Variants in RBFOX3 observed in about 807,000 individuals in gnomAD.
RBFOX3 encodes the protein RNA binding fox-1 homolog 3.
RBFOX3 carries 17 observed loss-of-function variants against 48.7 expected under a neutral mutation model. That is an observed-to-expected ratio of 0.35 (90% CI 0.24 to 0.52). The LOEUF is 0.52. Among genes scored for constraint, RBFOX3 ranks in the 20% least tolerant of loss-of-function variants. RBFOX3 has a pLI of 0.94. For synonymous variants in RBFOX3, 212 were observed against 209.5 expected (o/e 1.01, Z -0.10); for missense variants, 382 against 497.5 (o/e 0.77, Z 2.21).
the RBFOX3 span, among the ~76,000 whole-genome samples, chr17:79,616,582 A>AACACACACACACACACACACAC: frequency 1.7e-4 from 25 of 145,738 alleles, no homozygotes; most frequent in South Asian, 1.8e-3. Context: ...TCTCTATACA[A>AACACACACACACACACACACAC]ACACACACAC....
intron 2 of RBFOX3, among the ~76,000 whole-genome samples, chr17:79,308,725 C>T (rs1296038428): frequency 6.6e-6 from 1 of 152,044 alleles, no homozygotes; most frequent in Non-Finnish European, 1.5e-5. Context: ...CTCTCTCTCT[C>T]CTCTCTCTCC....
At chr17:79,552,174 A>C (rs1396975473) in intron 1 of RBFOX3, among the ~76,000 whole-genome samples, 1 of 152,218 alleles carries the variant, frequency 6.6e-6, no homozygotes, top group Non-Finnish European at 1.5e-5. Flanking sequence ...AAGATTAAAT[A>C]CAGAGAATAT....
At chr17:79,463,590 C>T (rs2075840411) in intron 2 of RBFOX3, among the ~76,000 whole-genome samples, 3 of 149,502 alleles carry the variant, frequency 2.0e-5, no homozygotes, top group African/African-American at 7.5e-5. Flanking sequence ...GCCACCGCCA[C>T]CTCCACCACC....
At chr17:79,277,742 C>G (rs766470425) in intron 3 of RBFOX3, among the ~76,000 whole-genome samples, 1 of 152,170 alleles carries the variant, frequency 6.6e-6, no homozygotes, top group Non-Finnish European at 1.5e-5. Flanking sequence ...TGTGGGGGCT[C>G]ATGGTGGGAA....
chr17:79,250,938 A>G (rs540641568), intron 3 of RBFOX3, among the ~76,000 whole-genome samples: 1 of 151,872 alleles, frequency 6.6e-6, no homozygotes, highest in East Asian at 1.9e-4. Flanking sequence ...CCTCCTGAGT[A>G]GCTGGGATTA....
At chr17:79,378,669 C>T (rs1055023206) in intron 2 of RBFOX3, among the ~76,000 whole-genome samples, 15 of 152,188 alleles carry the variant, frequency 9.9e-5, no homozygotes, top group Non-Finnish European at 1.9e-4. Context: ...TCTGCACTCT[C>T]CTGTCCCCCA....
At chr17:79,612,538 A>T (rs1024920778), upstream of RBFOX3, among the ~76,000 whole-genome samples, 4 of 152,190 alleles carry the variant, frequency 2.6e-5, no homozygotes, top group African/African-American at 9.6e-5. Flanking sequence ...TATGAGCGTC[A>T]TGCTTTTAAT....
intron 2 of RBFOX3, among the ~76,000 whole-genome samples, chr17:79,407,824 G>A (rs796785636): frequency 1.1e-4 from 17 of 152,304 alleles, no homozygotes; most frequent in African/African-American, 3.8e-4. Flanking sequence ...AAAAACCCCT[G>A]TTCTCAGAGT....
chr17:79,414,503 C>G (rs955088274), intron 2 of RBFOX3, among the ~76,000 whole-genome samples: 1 of 152,222 alleles, frequency 6.6e-6, no homozygotes, highest in South Asian at 2.1e-4. Context: ...GTCCAGGCCC[C>G]AGGGCGAAAG....
the RBFOX3 span, among the ~76,000 whole-genome samples, chr17:79,638,733 TGAAAGCTGGTTGTTATAAAGA>T: frequency 6.6e-6 from 1 of 152,150 alleles, no homozygotes; most frequent in Non-Finnish European, 1.5e-5. Flanking sequence ...TTAGTTCCTG[TGAAAGCTGGTTGTTATAAAGA>T]GCCTGGCACC....
At position 79,407,849 on chromosome 17, in the gene RBFOX3, C is replaced by A. The variant is rs931674510; in HGVS notation, c.-175+74605G>T. 2.0e-5 allele frequency among the ~76,000 whole-genome samples: 3 copies of A among 152,336 alleles called. No homozygotes were observed. The East Asian group carries it at 5.8e-4, about 29-fold the overall frequency. On this transcript the variant is annotated intron_variant, in intron 2 of 14. Transcript: ENST00000693108. ...GTTCTCAGAGTCCTCTTTGCTAAGA[C>A]TAGAAACAACAGAGAATCGTTCTTT... is the stretch of plus-strand genomic sequence containing the variant.
chr17:79,378,624 G>C (rs553200408), intron 2 of RBFOX3, among the ~76,000 whole-genome samples: 1 of 152,094 alleles, frequency 6.6e-6, no homozygotes, highest in African/African-American at 2.4e-5. Flanking sequence ...CTGTGTGGGG[G>C]GCCCGGAAAA....
At chr17:79,503,666 T>C (rs1484474560) in intron 1 of RBFOX3, among the ~76,000 whole-genome samples, 2 of 152,092 alleles carry the variant, frequency 1.3e-5, no homozygotes, top group Non-Finnish European at 2.9e-5. Context: ...GAGGGATCCC[T>C]CCGTGTCCTG....
At chr17:79,164,657 T>G (rs1316649265) in intron 4 of RBFOX3, among the ~76,000 whole-genome samples, 1 of 152,200 alleles carries the variant, frequency 6.6e-6, no homozygotes, top group Non-Finnish European at 1.5e-5. Flanking sequence ...CCTCGGTTCA[T>G]GGAGGTGAGC....
intron 3 of RBFOX3, among the ~76,000 whole-genome samples, chr17:79,285,553 C>G (rs1324454333): frequency 2.0e-5 from 3 of 152,230 alleles, no homozygotes; most frequent in Non-Finnish European, 4.4e-5. Context: ...TTGAAATGCA[C>G]TAGAGAAGCT....
At chr17:79,186,854 C>A (rs1430644058) in intron 4 of RBFOX3, among the ~76,000 whole-genome samples, 1 of 152,228 alleles carries the variant, frequency 6.6e-6, no homozygotes, top group African/African-American at 2.4e-5. Flanking sequence ...GATCTCCTGG[C>A]TCCTTCCTGC....
the RBFOX3 span, among the ~76,000 whole-genome samples, chr17:79,619,396 C>T: frequency 0.031 from 4,706 of 152,300 alleles, 429 homozygotes; most frequent in East Asian, 0.26. Context: ...GACTCCCTCC[C>T]GTGCTTCCCT....
intron 1 of RBFOX3, among the ~76,000 whole-genome samples, chr17:79,523,884 C>T (rs1275066740): frequency 6.6e-6 from 1 of 152,226 alleles, no homozygotes; most frequent in Admixed American, 6.5e-5. Flanking sequence ...TTATCCCCCA[C>T]AGCCTCTCCA....
At chr17:79,185,902 C>T (rs561591573) in intron 4 of RBFOX3, among the ~76,000 whole-genome samples, 8 of 152,274 alleles carry the variant, frequency 5.3e-5, no homozygotes, top group African/African-American at 1.4e-4. Flanking sequence ...GTGAGCACAC[C>T]GTCTAGTGGG....
Sources: gnomAD v4.1 joint callset for allele counts (sites outside exome capture counted in the v4.1 genomes callset) on GRCh38, gnomAD v4.1.1 for gene constraint, MANE v1.5 for transcripts, NCBI Gene and HGNC (gene_info 2026-07-23, HGNC 2026-07-21) for gene names.